The following LSAMP variants were observed in gnomAD, a reference collection of about 807,000 sequenced individuals.
LSAMP encodes the protein limbic system associated membrane protein, also known as limbic system-associated membrane protein.
In LSAMP, 7 loss-of-function variants were observed where a neutral mutation model predicts 38.6. That is an observed-to-expected ratio of 0.18 (90% CI 0.10 to 0.34). LSAMP has a LOEUF of 0.34. Among genes scored for constraint, LSAMP ranks in the 10% least tolerant of loss-of-function variants. LSAMP has a pLI of 1.00. For missense variants in LSAMP, 313 were observed against 420.0 expected (o/e 0.75, Z 2.23); for synonymous variants, 154 against 166.8 (o/e 0.92, Z 0.59).
intron 1 of LSAMP, among the ~76,000 whole-genome samples, chr3:116,269,738 A>C (rs779045632): frequency 4.6e-5 from 7 of 152,142 alleles, no homozygotes; most frequent in Non-Finnish European, 7.4e-5. Context: ...ATGGGGACAT[A>C]TATGTGATCA....
chr3:116,092,419 A>G (rs1708144544), intron 1 of LSAMP, among the ~76,000 whole-genome samples: 1 of 152,176 alleles, frequency 6.6e-6, no homozygotes, highest in African/African-American at 2.4e-5. Context: ...AAAGTATAAC[A>G]TCCTAAATAA....
intron 3 of LSAMP, among the ~76,000 whole-genome samples, chr3:115,979,302 G>A (rs753231225): frequency 4.1e-4 from 63 of 152,056 alleles, no homozygotes; most frequent in Admixed American, 7.2e-4. Flanking sequence ...ATAGTTTAAA[G>A]AGGAGAAAAG....
Position 116,321,438 on chromosome 3 carries a change from C to T in LSAMP, c.155+123439G>A, listed in dbSNP as rs892309040. Among the ~76,000 whole-genome samples, 9 of 152,196 alleles carry T rather than the reference C, an allele frequency of 5.9e-5. No homozygotes were observed. The East Asian group carries it at 7.7e-4, about 13-fold the overall frequency. On this transcript the variant is annotated intron_variant, in intron 1 of 6. Transcript: ENST00000490035. Reference sequence around the variant, plus strand: ...TCATGAGAATAGTTATAATCATTACCGGATATTCACCTCTGCTTAGTGCTT... The same window carrying T: ...TCATGAGAATAGTTATAATCATTACTGGATATTCACCTCTGCTTAGTGCTT...
At chr3:116,161,451 T>C (rs1372324174) in intron 1 of LSAMP, among the ~76,000 whole-genome samples, 1 of 152,194 alleles carries the variant, frequency 6.6e-6, no homozygotes, top group African/African-American at 2.4e-5. Flanking sequence ...GTACTTGAAA[T>C]GACTGAATAC....
chr3:116,063,579 T>A (rs112674288), intron 2 of LSAMP, among the ~76,000 whole-genome samples: 271 of 152,290 alleles, frequency 1.8e-3, no homozygotes, highest in African/African-American at 6.0e-3. Flanking sequence ...AGAATAAATG[T>A]TTCATTTTGA....
At chr3:115,911,339 T>C (rs1389098720) in intron 3 of LSAMP, among the ~76,000 whole-genome samples, 1 of 152,186 alleles carries the variant, frequency 6.6e-6, no homozygotes, top group Non-Finnish European at 1.5e-5. Flanking sequence ...AAAGTTGCTA[T>C]ATACACTTGT....
chr3:116,296,805 G>C lies in LSAMP; in HGVS notation c.155+148072C>G, dbSNP rs180816387. On this transcript the variant is annotated intron_variant, in intron 1 of 6. Transcript: ENST00000490035. The stretch of plus-strand genomic sequence containing the variant: ...AATTGTGGGAAATTCAAAGTTGAAG[G>C]CATAACCCTTACGCCATGGAGGACC... Among the ~76,000 whole-genome samples the C allele has an allele frequency of 4.6e-5, 7 of 151,458 alleles. 1 individual carries two copies. The highest frequency in any genetic ancestry group is 3.9e-4 in the Admixed American group (6 of 15,224).
intron 1 of LSAMP, among the ~76,000 whole-genome samples, chr3:116,164,672 TATATATATATAATCCAA>T (rs1709994961): frequency 2.2e-5 from 3 of 136,222 alleles, no homozygotes; most frequent in Admixed American, 7.8e-5. Flanking sequence ...ATAATCCAAA[TATATATATATAATCCAA>T]ATATATATAT....
chr3:116,099,735 TC>T (rs1349736735), intron 1 of LSAMP, among the ~76,000 whole-genome samples: 1 of 152,180 alleles, frequency 6.6e-6, no homozygotes, highest in African/African-American at 2.4e-5. Context: ...TTTTCTTGTT[TC>T]TCTTCCTAAC....
At chr3:116,061,721 T>C (rs1941597866) in intron 2 of LSAMP, among the ~76,000 whole-genome samples, 1 of 152,246 alleles carries the variant, frequency 6.6e-6, no homozygotes, top group Non-Finnish European at 1.5e-5. Context: ...GTCTGGAATC[T>C]AAGCTTCATA....
chr3:116,379,070 C>T (rs1199598763), intron 1 of LSAMP, among the ~76,000 whole-genome samples: 3 of 150,562 alleles, frequency 2.0e-5, no homozygotes, highest in Non-Finnish European at 4.4e-5. Flanking sequence ...TTGAGAACAG[C>T]ATTTGTGAGT....
At chr3:116,006,035 T>A (rs564644602) in intron 3 of LSAMP, among the ~76,000 whole-genome samples, 6 of 152,172 alleles carry the variant, frequency 3.9e-5, no homozygotes, top group Admixed American at 6.5e-5. Context: ...GAAAGACAGA[T>A]GAGCCAGAAG....
At chr3:115,883,598 A>G (rs965120461) in intron 3 of LSAMP, among the ~76,000 whole-genome samples, 1 of 152,112 alleles carries the variant, frequency 6.6e-6, no homozygotes, top group African/African-American at 2.4e-5. Context: ...TGGTAGATGC[A>G]TGGAAATCAG....
intron 1 of LSAMP, among the ~76,000 whole-genome samples, chr3:116,160,456 A>G (rs1003365463): frequency 1.3e-5 from 2 of 151,300 alleles, no homozygotes; most frequent in African/African-American, 2.4e-5. Flanking sequence ...GGAAGGAGAG[A>G]GAGAAAAGAA....
chr3:116,396,109 T>C (rs543935097), intron 1 of LSAMP, among the ~76,000 whole-genome samples: 8 of 152,218 alleles, frequency 5.3e-5, no homozygotes, highest in Non-Finnish European at 1.0e-4. Flanking sequence ...GTACTAAAGG[T>C]GGATTTATAA....
At chr3:115,984,219 C>G (rs1363794660) in intron 3 of LSAMP, among the ~76,000 whole-genome samples, 1 of 148,048 alleles carries the variant, frequency 6.8e-6, no homozygotes, top group Non-Finnish European at 1.5e-5. Context: ...GTGCTATTCA[C>G]AAAGAAAAAA....
chr3:116,314,816 T>G (rs1203184443), intron 1 of LSAMP, among the ~76,000 whole-genome samples: 1 of 152,120 alleles, frequency 6.6e-6, no homozygotes, highest in Non-Finnish European at 1.5e-5. Context: ...GTTCTAAGAA[T>G]GAAACATTTT....
intron 1 of LSAMP, among the ~76,000 whole-genome samples, chr3:116,194,209 T>C (rs1710822111): frequency 6.6e-6 from 1 of 151,984 alleles, no homozygotes; most frequent in Admixed American, 6.6e-5. Flanking sequence ...AAGCTGAAGA[T>C]GGACAAATGC....
intron 1 of LSAMP, among the ~76,000 whole-genome samples, chr3:116,341,599 T>C (rs1421778508): frequency 6.6e-6 from 1 of 151,950 alleles, no homozygotes; most frequent in African/African-American, 2.4e-5. Context: ...AGGAGAAACC[T>C]GGTGAGTGGT....
Sources: gnomAD v4.1 joint callset for allele counts (sites outside exome capture counted in the v4.1 genomes callset) on GRCh38, gnomAD v4.1.1 for gene constraint, MANE v1.5 for transcripts, NCBI Gene and HGNC (gene_info 2026-07-23, HGNC 2026-07-21) for gene names.